The following TRABD2A variants were observed in gnomAD, a reference collection of about 807,000 sequenced individuals.
TRABD2A encodes TraB domain containing 2A.
In TRABD2A, 43 loss-of-function variants were observed where a neutral mutation model predicts 45.6. The observed-to-expected ratio is 0.94, with a 90% CI of 0.74 to 1.22. The LOEUF (loss-of-function observed/expected upper bound fraction) is 1.22. TRABD2A is among the 50% of genes most tolerant of loss of function. The pLI, the probability that TRABD2A is intolerant of heterozygous loss-of-function variation, is 0.00. For synonymous variants in TRABD2A, 269 were observed against 265.0 expected (o/e 1.02, Z -0.15); for missense variants, 642 against 652.4 (o/e 0.98, Z 0.17).
At chr2:84,839,361 C>T in intron 3 of TRABD2A, 38 bp from the exon 4 acceptor site, 1 of 1,543,458 alleles carries the variant, frequency 6.5e-7, no homozygotes, top group Non-Finnish European at 8.8e-7. Context: ...TAAGGGGCAA[C>T]AGAGTTATTA....
At chr2:84,877,616 A>C (rs1683069789) in intron 1 of TRABD2A, among the ~76,000 whole-genome samples, 1 of 152,108 alleles carries the variant, frequency 6.6e-6, no homozygotes. Context: ...AAAAAGAAAA[A>C]AGAGAGAGAG....
chr2:84,839,200 C>T lies in TRABD2A; in HGVS notation c.940G>A (p.Ala314Thr). Reference sequence around the variant, plus strand: ...TTGTCAGGGAACTCCTCCAAAAGGGCCTTCACCCGCTTCCCTATTCTCTCA... The same window carrying T: ...TTGTCAGGGAACTCCTCCAAAAGGGTCTTCACCCGCTTCCCTATTCTCTCA... The part of the protein sequence containing the change: ...RNERIGKRVK[A>T]LLEEFPDKGF... The change falls in exon 4 of 7, where the codon GCC (alanine) becomes ACC (threonine). Residue 314 changes from alanine to threonine, a missense_variant. Ala to Thr is a moderately conservative substitution (Grantham distance 58). Transcript: ENST00000409520. The T allele has an allele frequency of 6.2e-7, 1 of 1,613,938 alleles. No homozygotes were observed. The highest frequency in any genetic ancestry group is 1.1e-5 in the South Asian group (1 of 91,072).
chr2:84,837,431 T>C (rs1219203597), intron 4 of TRABD2A: 1 of 152,254 alleles, frequency 6.6e-6, no homozygotes, highest in Non-Finnish European at 1.5e-5. Context: ...TTTCTAGTTT[T>C]GCTCTGTGTC....
At chr2:84,835,434 CAG>C (rs1214357365) in intron 4 of TRABD2A, 1 of 149,794 alleles carries the variant, frequency 6.7e-6, no homozygotes, top group Non-Finnish European at 1.5e-5. Context: ...TTTTTTAATA[CAG>C]AGAGTCTTAC....
chr2:84,843,784 A>G (rs1681792441), intron 2 of TRABD2A: 1 of 152,214 alleles, frequency 6.6e-6, no homozygotes, highest in African/African-American at 2.4e-5. Flanking sequence ...TCATGGCTTA[A>G]TCACCTCCTA....
At chr2:84,852,944 A>C (rs1196289670) in intron 2 of TRABD2A, among the ~76,000 whole-genome samples, 1 of 152,114 alleles carries the variant, frequency 6.6e-6, no homozygotes, top group Admixed American at 6.5e-5. Flanking sequence ...TCATCTCCTT[A>C]ACCAGCTGTG....
intron 4 of TRABD2A, chr2:84,833,154 G>C (rs1322909810): frequency 6.6e-6 from 1 of 152,126 alleles, no homozygotes; most frequent in African/African-American, 2.4e-5. Context: ...GGGAAGTTTG[G>C]CAAAACCATT....
intron 5 of TRABD2A, among the ~76,000 whole-genome samples, chr2:84,828,533 C>T (rs565714225): frequency 3.9e-5 from 6 of 152,298 alleles, no homozygotes; most frequent in Admixed American, 2.6e-4. Flanking sequence ...CTTAGCCTCC[C>T]GGGACCCTGT....
At chr2:84,852,113 C>T (rs1682117041) in intron 2 of TRABD2A, among the ~76,000 whole-genome samples, 1 of 152,154 alleles carries the variant, frequency 6.6e-6, no homozygotes, top group Admixed American at 6.5e-5. Context: ...TGGGGAGGGA[C>T]ACCAACGTAA....
intron 2 of TRABD2A, among the ~76,000 whole-genome samples, chr2:84,868,664 T>A (rs1386477686): frequency 6.6e-6 from 1 of 151,702 alleles, no homozygotes; most frequent in East Asian, 1.9e-4. Context: ...GAACTTAAAG[T>A]ATAAGAAAAA....
At chr2:84,845,127 G>T (rs1681838911) in intron 2 of TRABD2A, among the ~76,000 whole-genome samples, 1 of 152,128 alleles carries the variant, frequency 6.6e-6, no homozygotes, top group Non-Finnish European at 1.5e-5. Context: ...GATGCAGGTG[G>T]ATCCCTTGAG....
intron 5 of TRABD2A, among the ~76,000 whole-genome samples, chr2:84,828,425 CGAG>C (rs1681211182): frequency 6.6e-6 from 1 of 152,160 alleles, no homozygotes; most frequent in African/African-American, 2.4e-5. Flanking sequence ...AGATGGCTGC[CGAG>C]GAGGGGAAGA....
At chr2:84,852,918 C>T (rs1412996198) in intron 2 of TRABD2A, among the ~76,000 whole-genome samples, 1 of 152,124 alleles carries the variant, frequency 6.6e-6, no homozygotes, top group African/African-American at 2.4e-5. Flanking sequence ...ACACAGAAGA[C>T]AGGTCAATCT....
intron 4 of TRABD2A, 191 bp from the exon 5 acceptor site, chr2:84,832,336 G>A (rs1681368479): frequency 1.7e-6 from 1 of 591,832 alleles, no homozygotes; most frequent in African/African-American, 1.9e-5. Context: ...GGCAGCATCA[G>A]TAGCATTTCA....
At chr2:84,843,316 A>G (rs1158232054) in intron 2 of TRABD2A, among the ~76,000 whole-genome samples, 1 of 152,128 alleles carries the variant, frequency 6.6e-6, no homozygotes, top group Non-Finnish European at 1.5e-5. Context: ...GTCTTTAGCA[A>G]GATGTTTCAA....
At chr2:84,854,579 G>A (rs1453260958) in intron 2 of TRABD2A, among the ~76,000 whole-genome samples, 1 of 152,194 alleles carries the variant, frequency 6.6e-6, no homozygotes, top group African/African-American at 2.4e-5. Context: ...CTCCAAAGTT[G>A]ATACTCTCCA....
intron 1 of TRABD2A, chr2:84,879,518 A>G: frequency 3.4e-6 from 3 of 879,214 alleles, no homozygotes; most frequent in Non-Finnish European, 2.7e-6. Context: ...GAGTCCTGAG[A>G]CCAAAAGGTA....
At chr2:84,839,659 T>C (rs991379509) in intron 3 of TRABD2A, among the ~76,000 whole-genome samples, 18 of 152,336 alleles carry the variant, frequency 1.2e-4, no homozygotes, top group African/African-American at 4.3e-4. Flanking sequence ...TTTTAACTTG[T>C]GTGATTCATA....
intron 2 of TRABD2A, chr2:84,851,117 C>A (rs1682079289): frequency 6.6e-6 from 1 of 152,374 alleles, no homozygotes; most frequent in African/African-American, 2.4e-5. Flanking sequence ...CACAGAAAGG[C>A]CTTATTTATT....
Sources: allele counts gnomAD v4.1 joint callset (sites outside exome capture counted in the v4.1 genomes callset), GRCh38; gene constraint gnomAD v4.1.1; transcripts MANE v1.5; gene names NCBI Gene and HGNC (gene_info 2026-07-23, HGNC 2026-07-21).